The following FBXO31 variants were observed in gnomAD, a reference collection of about 807,000 sequenced individuals.
FBXO31 encodes F-box protein 31.
A neutral mutation model predicts 54.4 loss-of-function variants in FBXO31; 24 were observed. That is an observed-to-expected ratio of 0.44 (90% CI 0.32 to 0.62). FBXO31 has a LOEUF of 0.62. FBXO31 is among the 20% of genes least tolerant of loss of function. The pLI, the probability that FBXO31 is intolerant of heterozygous loss-of-function variation, is 0.05. For missense variants in FBXO31, 665 were observed against 787.1 expected (o/e 0.84, Z 1.86); for synonymous variants, 388 against 335.6 (o/e 1.16, Z -1.71).
rs769618584 is a variant in FBXO31, at chr16:87,358,746, A to C, written c.412+1549T>G. Among the ~76,000 whole-genome samples, 2 of 152,098 alleles carry C rather than the reference A, an allele frequency of 1.3e-5. No homozygotes were observed. The highest frequency in any genetic ancestry group is 4.8e-5 in the African/African-American group (2 of 41,422). On this transcript the variant is annotated intron_variant, in intron 2 of 8. Transcript: ENST00000311635. This position sits in a 1 kb window ranked among gnomAD's most constrained non-coding sequence, Gnocchi z 4.0. ...GGCAGCAAGCTTGGAAATCCTTTCC[A>C]TATTTGATCACACTCCTCCCGGGGC... is the stretch of plus-strand genomic sequence containing the variant.
At position 87,343,488 on chromosome 16, in the gene FBXO31, C is replaced by A. The variant is rs554847086; in HGVS notation, c.657+110G>T. ...AGGGCGGAGCCTCCCTCCCACCCGC[C>A]GATCTGCTACAGCCCAGGTCTGCAG... On this transcript the variant is annotated intron_variant, in intron 4 of 8. Transcript: ENST00000311635. 3.7e-6 allele frequency: 5 copies of A among 1,349,408 alleles called. No individual in the cohort carries two copies. The Admixed American group carries it at 1.2e-4, about 31-fold the overall frequency. 83.6% of individuals were successfully genotyped at this position (1,349,408 alleles called of 1,614,324 possible). A position where few individuals can be genotyped will look rare whatever the true frequency, so the allele number is the denominator to read the frequency against.
chr16:87,367,317 G>C (rs1378651680), intron 1 of FBXO31: 5 of 152,184 alleles, frequency 3.3e-5, no homozygotes, highest in African/African-American at 9.7e-5. Context: ...CTCACCCTCA[G>C]ACCAGCTCAG....
chr16:87,361,285 G>C (rs1034146501), intron 1 of FBXO31, among the ~76,000 whole-genome samples: 51 of 152,352 alleles, frequency 3.3e-4, no homozygotes, highest in Non-Finnish European at 7.5e-4. Context: ...CAAGTGCAGA[G>C]AGGTGACATG....
At chr16:87,371,277 G>A (rs1246173562) in intron 1 of FBXO31, among the ~76,000 whole-genome samples, 1 of 152,220 alleles carries the variant, frequency 6.6e-6, no homozygotes, top group Non-Finnish European at 1.5e-5. Flanking sequence ...GGAGACTTGA[G>A]AAGACTGCCT....
chr16:87,382,970 A>G (rs1597382136), intron 1 of FBXO31, among the ~76,000 whole-genome samples: 1 of 152,082 alleles, frequency 6.6e-6, no homozygotes, highest in African/African-American at 2.4e-5. Flanking sequence ...GTCTCTGGTC[A>G]GGGCCAGCGG....
intron 2 of FBXO31, among the ~76,000 whole-genome samples, chr16:87,348,542 G>A (rs1045155429): frequency 1.2e-4 from 19 of 152,136 alleles, no homozygotes; most frequent in Non-Finnish European, 2.2e-4. Flanking sequence ...AGGGGTGACC[G>A]GGTAGAGACT....
chr16:87,335,513 A>C lies in FBXO31; in HGVS notation c.843-56T>G. On this transcript the variant is annotated intron_variant, in intron 6 of 8. Transcript: ENST00000311635. The surrounding 1 kb of genome is among the most constrained non-coding windows in gnomAD (Gnocchi z 5.7). ...ACCTCGTGGGGCAGGCAGGACTGAG[A>C]ACGCCCAAGGTGCCAGGGATGAGCT... The C allele has an allele frequency of 2.6e-6, 4 of 1,546,306 alleles. No homozygotes were observed. Among genetic ancestry groups the C allele is most frequent in the Non-Finnish European group, 3.5e-6 (4 of 1,142,394 alleles).
chr16:87,332,595 C>T (rs888991140), intron 8 of FBXO31, among the ~76,000 whole-genome samples: 2 of 151,990 alleles, frequency 1.3e-5, no homozygotes, highest in South Asian at 4.2e-4. Flanking sequence ...CGTTATCATA[C>T]ATGGAACATG....
At chr16:87,381,369 G>A (rs1197428217) in intron 1 of FBXO31, among the ~76,000 whole-genome samples, 1 of 152,202 alleles carries the variant, frequency 6.6e-6, no homozygotes, top group East Asian at 1.9e-4. Flanking sequence ...ACACCCACTA[G>A]CTACCATTTA....
At chr16:87,353,795 C>T (rs950447367) in intron 2 of FBXO31, among the ~76,000 whole-genome samples, 6 of 152,106 alleles carry the variant, frequency 3.9e-5, no homozygotes, top group African/African-American at 7.2e-5. Context: ...CAAGACCCTT[C>T]GGCGGGAGCA....
chr16:87,337,317 G>A (rs1007221126), intron 5 of FBXO31, among the ~76,000 whole-genome samples: 1 of 152,238 alleles, frequency 6.6e-6, no homozygotes, highest in Non-Finnish European at 1.5e-5. Flanking sequence ...GATGCCACGT[G>A]TGGGGTCTGG....
rs1415974904 is a variant in FBXO31, at chr16:87,358,989, T to C, written c.412+1306A>G. Among the ~76,000 whole-genome samples the C allele has an allele frequency of 1.3e-5, 2 of 152,142 alleles. No individual in the cohort carries two copies. Among genetic ancestry groups the C allele is most frequent in the African/African-American group, 4.8e-5 (2 of 41,440 alleles). ...CAAGGTTGCCCAACTACACCACCCG[T>C]TTCTGGAGCTAAGGCTGATTTTCTT... On this transcript the variant is annotated intron_variant, in intron 2 of 8. Coordinates refer to ENST00000311635, the MANE Select transcript of FBXO31 (RefSeq NM_024735.5). This position sits in a 1 kb window ranked among gnomAD's most constrained non-coding sequence, Gnocchi z 4.0.
intron 5 of FBXO31, among the ~76,000 whole-genome samples, chr16:87,341,867 C>T (rs915070972): frequency 2.0e-5 from 3 of 152,176 alleles, no homozygotes; most frequent in African/African-American, 7.2e-5. Context: ...TCAACCTTCT[C>T]TGCAGTCCTC....
chr16:87,356,400 A>T (rs1031383607), intron 2 of FBXO31, among the ~76,000 whole-genome samples: 2 of 152,132 alleles, frequency 1.3e-5, no homozygotes, highest in African/African-American at 4.8e-5. Context: ...AAATGTCTTC[A>T]AACGTTGCCC....
intron 1 of FBXO31, among the ~76,000 whole-genome samples, chr16:87,377,849 A>G (rs1381463180): frequency 1.3e-5 from 2 of 151,712 alleles, no homozygotes; most frequent in African/African-American, 4.8e-5. Context: ...AAGAAAAAAC[A>G]TGTATATATA....
chr16:87,336,963 T>C lies in FBXO31; in HGVS notation c.733-699A>G, dbSNP rs779685350. 3.9e-5 allele frequency among the ~76,000 whole-genome samples: 6 copies of C among 152,168 alleles called. No individual in the cohort carries two copies. Among genetic ancestry groups the C allele is most frequent in the Admixed American group, 1.3e-4 (2 of 15,280 alleles). ...CTCAATACAGTGTTTCCAGTCATTA[T>C]CTAGACCTAACTCTGAAAGGGACGC... is the stretch of plus-strand genomic sequence containing the variant. On this transcript the variant is annotated intron_variant, in intron 5 of 8. Coordinates refer to ENST00000311635, the MANE Select transcript of FBXO31 (RefSeq NM_024735.5). The surrounding 1 kb of genome is among the most constrained non-coding windows in gnomAD (Gnocchi z 6.5).
chr16:87,360,816 C>G (rs1250758151), intron 1 of FBXO31, among the ~76,000 whole-genome samples: 1 of 152,182 alleles, frequency 6.6e-6, no homozygotes, highest in Non-Finnish European at 1.5e-5. Context: ...TTCAACTCAG[C>G]CCAAGGCCAA....
intron 1 of FBXO31, among the ~76,000 whole-genome samples, chr16:87,360,620 A>C (rs1466227354): frequency 1.3e-5 from 2 of 152,256 alleles, no homozygotes. Flanking sequence ...TATTCTAATA[A>C]GCTCTAGAAG....
intron 1 of FBXO31, among the ~76,000 whole-genome samples, chr16:87,375,819 C>G (rs1906799521): frequency 6.6e-6 from 1 of 152,124 alleles, no homozygotes; most frequent in African/African-American, 2.4e-5. Flanking sequence ...ATCAGAAGTA[C>G]AGACATGGCT....
Sources: allele counts gnomAD v4.1 joint callset (sites outside exome capture counted in the v4.1 genomes callset), GRCh38; gene constraint gnomAD v4.1.1; non-coding constraint Gnocchi (gnomAD v3.1); transcripts MANE v1.5; gene names NCBI Gene and HGNC (gene_info 2026-07-23, HGNC 2026-07-21).